RBFOX3: variants seen among roughly 807,000 people sequenced by gnomAD.
The protein encoded by RBFOX3 is RNA binding protein fox-1 homolog 3.
In RBFOX3, 17 loss-of-function variants were observed where a neutral mutation model predicts 48.7. That is an observed-to-expected ratio of 0.35 (90% CI 0.24 to 0.52). The LOEUF (loss-of-function observed/expected upper bound fraction) is 0.52. RBFOX3 is among the 20% of genes least tolerant of loss of function. The pLI is 0.94. For missense variants in RBFOX3, 382 were observed against 497.5 expected (o/e 0.77, Z 2.21); for synonymous variants, 212 against 209.5 (o/e 1.01, Z -0.10).
intron 1 of RBFOX3, among the ~76,000 whole-genome samples, chr17:79,488,705 C>A (rs913673586): frequency 6.6e-6 from 1 of 152,232 alleles, no homozygotes; most frequent in Non-Finnish European, 1.5e-5. Flanking sequence ...ACAAGGTACA[C>A]TAGCAACCCC....
chr17:79,647,276 G>A, the RBFOX3 span, among the ~76,000 whole-genome samples: 1 of 152,242 alleles, frequency 6.6e-6, no homozygotes, highest in East Asian at 1.9e-4. Flanking sequence ...CCATGGGAAT[G>A]GCTCCCAGGA....
chr17:79,134,466 G>A (rs1249180494), intron 4 of RBFOX3, among the ~76,000 whole-genome samples: 1 of 152,234 alleles, frequency 6.6e-6, no homozygotes, highest in Non-Finnish European at 1.5e-5. Context: ...TCGGTCACAT[G>A]TGGCTGCGCA....
At chr17:79,401,260 C>T (rs12449531) in intron 2 of RBFOX3, among the ~76,000 whole-genome samples, 8,096 of 152,310 alleles carry the variant, frequency 0.053, 284 homozygotes, top group Admixed American at 0.083. Flanking sequence ...GAGCCCTGAG[C>T]GGCGGGAGCC....
At chr17:79,541,997 A>C (rs2150179094) in intron 1 of RBFOX3, among the ~76,000 whole-genome samples, 1 of 149,650 alleles carries the variant, frequency 6.7e-6, no homozygotes, top group African/African-American at 2.5e-5. Flanking sequence ...ACAGAACAAA[A>C]CCATGTTCTC....
At chr17:79,530,460 A>G (rs2087561691) in intron 1 of RBFOX3, among the ~76,000 whole-genome samples, 1 of 152,066 alleles carries the variant, frequency 6.6e-6, no homozygotes, top group Non-Finnish European at 1.5e-5. Flanking sequence ...TTTGTGCCGC[A>G]GCCCTGGGCT....
chr17:79,201,118 C>T (rs938106081), intron 4 of RBFOX3, among the ~76,000 whole-genome samples: 4 of 149,858 alleles, frequency 2.7e-5, no homozygotes, highest in African/African-American at 1.0e-4. Context: ...ACAACAACAA[C>T]AAGAGGTGCA....
intron 2 of RBFOX3, among the ~76,000 whole-genome samples, chr17:79,414,479 AC>A (rs1468980990): frequency 1.3e-5 from 2 of 152,092 alleles, no homozygotes; most frequent in East Asian, 3.9e-4. Flanking sequence ...ATGCGGCGGG[AC>A]GGTGCCCCGT....
Position 79,481,560 on chromosome 17 carries a change from G to A in RBFOX3, c.-175+894C>T, listed in dbSNP as rs1170427135. 6.6e-6 allele frequency among the ~76,000 whole-genome samples: 1 copy of A among 152,130 alleles called. No homozygotes were observed. Among genetic ancestry groups the A allele is most frequent in the Non-Finnish European group, 1.5e-5 (1 of 68,020 alleles). On this transcript the variant is annotated intron_variant, in intron 2 of 14. Transcript: ENST00000693108. This position sits in a 1 kb window ranked among gnomAD's most constrained non-coding sequence, Gnocchi z 5.4. ...TTCAAGTGTGAGGCTGGCCGTGCAC[G>A]TGATTAGAGGGTTGGAAATTTCACT...
At position 79,555,626 on chromosome 17, in the gene RBFOX3, T is replaced by C. The variant is rs973769902; in HGVS notation, c.-320+55200A>G. Among the ~76,000 whole-genome samples, 7 of 152,216 alleles carry C rather than the reference T, an allele frequency of 4.6e-5. No individual in the cohort carries two copies. The East Asian group carries it at 9.7e-4, about 21-fold the overall frequency. On this transcript the variant is annotated intron_variant, in intron 1 of 14. Coordinates refer to ENST00000693108, the MANE Select transcript of RBFOX3 (RefSeq NM_001350451.2). The stretch of plus-strand genomic sequence containing the variant: ...GTGGTGATGGCGGTGGTGGTGGTAA[T>C]GGTGATTATGTCAGTGATGGTGGTG...
At chr17:79,620,010 T>C in the RBFOX3 span, among the ~76,000 whole-genome samples, 2 of 148,498 alleles carry the variant, frequency 1.3e-5, no homozygotes, top group Non-Finnish European at 3.0e-5. Flanking sequence ...CACATGCACA[T>C]GCACACACAC....
At chr17:79,575,229 C>T (rs2092819063) in intron 1 of RBFOX3, among the ~76,000 whole-genome samples, 1 of 152,188 alleles carries the variant, frequency 6.6e-6, no homozygotes, top group Admixed American at 6.5e-5. Flanking sequence ...CATGGATGTC[C>T]TGCAGACAAG....
intron 1 of RBFOX3, among the ~76,000 whole-genome samples, chr17:79,514,295 A>G (rs982073819): frequency 0.019 from 2,935 of 152,228 alleles, 49 homozygotes; most frequent in Non-Finnish European, 0.026. Flanking sequence ...CTACATTCAG[A>G]ACATGCACCT....
intron 2 of RBFOX3, among the ~76,000 whole-genome samples, chr17:79,445,299 C>A (rs62061679): frequency 0.035 from 5,366 of 152,212 alleles, 128 homozygotes; most frequent in Non-Finnish European, 0.051. Flanking sequence ...TCCCACTGCC[C>A]AGTGGGAATG....
chr17:79,243,823 A>G lies in RBFOX3; in HGVS notation c.-73-8018T>C, dbSNP rs572736831. ...ACAGCTTCCAAAGGGCAGAGCCAAGACAAGAAGGCGCAATGCCACCAAGCA... is the reference window on the plus strand; with the variant it reads ...ACAGCTTCCAAAGGGCAGAGCCAAGGCAAGAAGGCGCAATGCCACCAAGCA... On this transcript the variant is annotated intron_variant, in intron 3 of 14. Transcript: ENST00000693108. This position sits in a 1 kb window ranked among gnomAD's most constrained non-coding sequence, Gnocchi z 7.9. Among the ~76,000 whole-genome samples the G allele has an allele frequency of 3.3e-5, 5 of 152,232 alleles. No individual in the cohort carries two copies. The highest frequency in any genetic ancestry group is 7.4e-5 in the Non-Finnish European group (5 of 68,018).
rs555607333 is a variant in RBFOX3, at chr17:79,111,123, C to T, written c.223-4335G>A. Among the ~76,000 whole-genome samples the T allele has an allele frequency of 1.4e-4, 21 of 152,334 alleles. No individual in the cohort carries two copies. In the East Asian group the frequency reaches 2.9e-3, roughly 21 times the overall value. On this transcript the variant is annotated intron_variant, in intron 5 of 14. Coordinates refer to ENST00000693108, the MANE Select transcript of RBFOX3 (RefSeq NM_001350451.2). The surrounding 1 kb of genome is among the most constrained non-coding windows in gnomAD (Gnocchi z 4.2). ...AGTTTCCGAGGAGGCTCAGGCCCGA[C>T]GGACAGCAGAAAGGACAGAGGTTCA...
At chr17:79,467,502 T>A (rs2076468359) in intron 2 of RBFOX3, among the ~76,000 whole-genome samples, 1 of 152,166 alleles carries the variant, frequency 6.6e-6, no homozygotes, top group Admixed American at 6.5e-5. Context: ...CCACCTGATG[T>A]CCCGGGGGCA....
chr17:79,586,363 G>A (rs1160350785), intron 1 of RBFOX3, among the ~76,000 whole-genome samples: 1 of 152,230 alleles, frequency 6.6e-6, no homozygotes. Flanking sequence ...CCTGCCAGCT[G>A]ACCACAGAGG....
In RBFOX3 at chr17:79,103,225, G is replaced by A. The variant is rs1313660539; in HGVS notation, c.444C>T (p.Ser148=). The change falls in exon 8 of 15, where the codon AGC becomes AGT. Residue 148 remains serine (S), a synonymous_variant. Coordinates refer to ENST00000693108, the MANE Select transcript of RBFOX3 (RefSeq NM_001350451.2). This position sits in a 1 kb window ranked among gnomAD's most constrained non-coding sequence, Gnocchi z 6.1. ...TCTCCCGGGCTCGGTCAGCATCTGAGCTAGTTTCAAAAGTTACAAACCCAA... is the reference window on the plus strand; with the variant it reads ...TCTCCCGGGCTCGGTCAGCATCTGAACTAGTTTCAAAAGTTACAAACCCAA... The part of the protein sequence containing the change: ...KGFGFVTFET[S]SDADRAREKL... 1 of 1,551,376 alleles carries A rather than the reference G, an allele frequency of 6.4e-7. No homozygotes were observed. Among genetic ancestry groups the A allele is most frequent in the Non-Finnish European group, 8.7e-7 (1 of 1,146,922 alleles).
chr17:79,108,952 T>C (rs759175839), intron 5 of RBFOX3, among the ~76,000 whole-genome samples: 3 of 152,246 alleles, frequency 2.0e-5, no homozygotes, highest in Non-Finnish European at 2.9e-5. Flanking sequence ...CTCTGTCCCC[T>C]GCGTTGAACA....
Sources: gnomAD v4.1 joint callset for allele counts (sites outside exome capture counted in the v4.1 genomes callset) on GRCh38, gnomAD v4.1.1 for gene constraint, Gnocchi (gnomAD v3.1) non-coding constraint, MANE v1.5 for transcripts, NCBI Gene and HGNC (gene_info 2026-07-23, HGNC 2026-07-21) for gene names.